The following KIAA1328 variants were observed in gnomAD, a reference collection of about 807,000 sequenced individuals.
The protein encoded by KIAA1328 is protein hinderin.
Under a neutral mutation model 68.1 loss-of-function variants are expected in KIAA1328, and 52 were observed. The observed-to-expected ratio is 0.76, with a 90% CI of 0.61 to 0.96. The LOEUF (loss-of-function observed/expected upper bound fraction) is 0.96. Among genes scored for constraint, KIAA1328 ranks in the 40% least tolerant of loss-of-function variants. The pLI is 0.00. For missense variants in KIAA1328, 641 were observed against 677.6 expected (o/e 0.95, Z 0.60); for synonymous variants, 232 against 239.4 (o/e 0.97, Z 0.28).
intron 4 of KIAA1328, among the ~76,000 whole-genome samples, chr18:36,871,375 A>G (rs534211331): frequency 6.6e-6 from 1 of 152,310 alleles, no homozygotes; most frequent in African/African-American, 2.4e-5. Context: ...AGGTCATATC[A>G]GGGGCTACCT....
intron 5 of KIAA1328, among the ~76,000 whole-genome samples, chr18:36,927,860 GGAAA>G (rs1045943243): frequency 2.1e-4 from 32 of 150,692 alleles, no homozygotes; most frequent in African/African-American, 5.4e-4. Flanking sequence ...GAGGAAACAA[GGAAA>G]GAAAGAAAGA....
chr18:36,880,953 C>A (rs1014037427), intron 4 of KIAA1328, among the ~76,000 whole-genome samples: 1 of 152,074 alleles, frequency 6.6e-6, no homozygotes, highest in Non-Finnish European at 1.5e-5. Context: ...TTTTATATAT[C>A]TGGATTCATC....
At chr18:37,131,913 A>G (rs1028896930) in intron 7 of KIAA1328, among the ~76,000 whole-genome samples, 1 of 152,208 alleles carries the variant, frequency 6.6e-6, no homozygotes, top group Non-Finnish European at 1.5e-5. Flanking sequence ...CATAGCCCAT[A>G]CAAAAGACAA....
At chr18:36,954,687 C>CTTTTTT (rs35883053) in intron 5 of KIAA1328, among the ~76,000 whole-genome samples, 1 of 121,074 alleles carries the variant, frequency 8.3e-6, no homozygotes, top group East Asian at 2.4e-4. Context: ...AAAGACTTCA[C>CTTTTTT]TTTTTTTTTT....
chr18:37,128,137 G>T, intron 7 of KIAA1328, among the ~76,000 whole-genome samples: 1 of 152,092 alleles, frequency 6.6e-6, no homozygotes, highest in East Asian at 1.9e-4. Flanking sequence ...AAAAATCTTT[G>T]TGACCTTGGG....
chr18:37,077,614 G>C (rs2056788590), intron 7 of KIAA1328, among the ~76,000 whole-genome samples: 1 of 151,826 alleles, frequency 6.6e-6, no homozygotes, highest in African/African-American at 2.4e-5. Flanking sequence ...TCCTTAAGCT[G>C]ATAAGCAACT....
chr18:37,103,181 G>A (rs2057673846), intron 7 of KIAA1328, among the ~76,000 whole-genome samples: 2 of 152,094 alleles, frequency 1.3e-5, no homozygotes, highest in Admixed American at 1.3e-4. Flanking sequence ...AAATTCATAT[G>A]AAATCACAAA....
intron 7 of KIAA1328, among the ~76,000 whole-genome samples, chr18:37,114,806 G>C (rs1352823735): frequency 6.6e-6 from 1 of 152,094 alleles, no homozygotes; most frequent in Non-Finnish European, 1.5e-5. Flanking sequence ...GAATCAAATA[G>C]ATGCAATAAA....
At chr18:36,955,860 GC>G (rs2151254249) in intron 5 of KIAA1328, 1 of 152,142 alleles carries the variant, frequency 6.6e-6, no homozygotes, top group East Asian at 1.9e-4. Flanking sequence ...ATTACTAAGT[GC>G]CAGTCCAAGC....
intron 6 of KIAA1328, among the ~76,000 whole-genome samples, chr18:36,971,597 C>T (rs1185109050): frequency 1.3e-5 from 2 of 151,934 alleles, no homozygotes; most frequent in Non-Finnish European, 2.9e-5. Flanking sequence ...CCATTGCACT[C>T]CACCCTGGAC....
chr18:37,054,518 G>A (rs922565883), intron 6 of KIAA1328, among the ~76,000 whole-genome samples: 1 of 152,182 alleles, frequency 6.6e-6, no homozygotes, highest in Non-Finnish European at 1.5e-5. Flanking sequence ...GCCGGAAAAT[G>A]GATGCAGCCA....
rs528028740 is a variant in KIAA1328, at chr18:37,108,121, C to G, written c.1232+40576C>G. On this transcript the variant is annotated intron_variant, in intron 7 of 9. Coordinates refer to ENST00000280020, the MANE Select transcript of KIAA1328 (RefSeq NM_020776.3). Reference sequence around the variant, plus strand: ...ACAATAGCAAAGACATAGAATGAACCCAGGTACCTATCAGTGGTAGATTGG... The same window carrying G: ...ACAATAGCAAAGACATAGAATGAACGCAGGTACCTATCAGTGGTAGATTGG... 4.6e-5 allele frequency among the ~76,000 whole-genome samples: 7 copies of G among 152,086 alleles called. No homozygotes were observed. The East Asian group carries it at 7.7e-4, about 17-fold the overall frequency.
chr18:37,005,072 A>G (rs2053730051), intron 6 of KIAA1328, among the ~76,000 whole-genome samples: 1 of 152,084 alleles, frequency 6.6e-6, no homozygotes, highest in Non-Finnish European at 1.5e-5. Flanking sequence ...CATAAGAATG[A>G]TACAATGGAC....
intron 9 of KIAA1328, among the ~76,000 whole-genome samples, chr18:37,205,771 C>T (rs1416961925): frequency 1.3e-5 from 2 of 152,082 alleles, no homozygotes; most frequent in Non-Finnish European, 2.9e-5. Context: ...AACTAATTCC[C>T]CAAATGTTAA....
Position 37,057,381 on chromosome 18 carries a change from ATGGT to A in KIAA1328, c.577-9505_577-9502del, listed in dbSNP as rs529502437. Among the ~76,000 whole-genome samples the A allele has an allele frequency of 8.6e-5, 13 of 151,966 alleles. No individual in the cohort carries two copies. The South Asian group carries it at 2.7e-3, about 32-fold the overall frequency. ...GTTCCATTTAAAGAACCATCATTAA[ATGGT>A]TGGGGGAAAAGGATATTTCATGAAA... On this transcript the variant is annotated intron_variant, in intron 6 of 9. Coordinates refer to ENST00000280020, the MANE Select transcript of KIAA1328 (RefSeq NM_020776.3).
intron 4 of KIAA1328, among the ~76,000 whole-genome samples, chr18:36,857,501 C>T (rs1456189137): frequency 6.6e-6 from 1 of 152,186 alleles, no homozygotes; most frequent in Non-Finnish European, 1.5e-5. Context: ...ACCAGCAAGC[C>T]TCACCAAGAT....
intron 6 of KIAA1328, among the ~76,000 whole-genome samples, chr18:37,009,267 T>C (rs1413808590): frequency 6.6e-6 from 1 of 152,162 alleles, no homozygotes; most frequent in East Asian, 1.9e-4. Context: ...GGAATAACAG[T>C]GTCCCTAGTT....
chr18:36,993,544 G>A (rs1262610240), intron 6 of KIAA1328, among the ~76,000 whole-genome samples: 1 of 152,112 alleles, frequency 6.6e-6, no homozygotes, highest in Non-Finnish European at 1.5e-5. Flanking sequence ...GAAATATAGT[G>A]TAATGTAATG....
rs191600374 is a variant in KIAA1328, at chr18:37,163,049, T to G, written c.1414+2668T>G. 3.3e-5 allele frequency among the ~76,000 whole-genome samples: 5 copies of G among 152,360 alleles called. No individual in the cohort carries two copies. The East Asian group carries it at 9.6e-4, about 29-fold the overall frequency. Reference sequence around the variant, plus strand: ...CAGGGAGATAATACTTGGGAAAATCTAAACTTGAGTAAGAACTTTTAAAAG... The same window carrying G: ...CAGGGAGATAATACTTGGGAAAATCGAAACTTGAGTAAGAACTTTTAAAAG... On this transcript the variant is annotated intron_variant, in intron 8 of 9. Coordinates refer to ENST00000280020, the MANE Select transcript of KIAA1328 (RefSeq NM_020776.3).
Sources: gnomAD v4.1 joint callset for allele counts (sites outside exome capture counted in the v4.1 genomes callset) on GRCh38, gnomAD v4.1.1 for gene constraint, MANE v1.5 for transcripts, NCBI Gene and HGNC (gene_info 2026-07-23, HGNC 2026-07-21) for gene names.